The following EEF1E1 variants were observed in gnomAD, a reference collection of about 807,000 sequenced individuals.
EEF1E1 encodes eukaryotic translation elongation factor 1 epsilon-1.
A neutral mutation model predicts 19.9 loss-of-function variants in EEF1E1; 19 were observed. That is an observed-to-expected ratio of 0.95 (90% CI 0.66 to 1.40). The LOEUF (loss-of-function observed/expected upper bound fraction) is 1.40. Among genes scored for constraint, EEF1E1 ranks in the 40% most tolerant of loss-of-function variants. EEF1E1 has a pLI of 0.00. For synonymous variants in EEF1E1, 81 were observed against 80.0 expected (o/e 1.01, Z -0.07); for missense variants, 198 against 202.2 (o/e 0.98, Z 0.13).
chr6:8,090,550 A>G (rs936417361), intron 2 of EEF1E1, among the ~76,000 whole-genome samples: 1 of 152,240 alleles, frequency 6.6e-6, no homozygotes, highest in African/African-American at 2.4e-5. Context: ...ATCATGTTAA[A>G]GTCTAGCTTT....
In EEF1E1 at chr6:8,090,166, G is replaced by C. The variant is rs1757977035; in HGVS notation, c.384+20C>G. On this transcript the variant is annotated intron_variant, in intron 3 of 3. Transcript: ENST00000379715. ...TCTCAACACTACAGAAAAAAAGCCA[G>C]TAACTATACAAATACTCACTATAAA... The C allele has an allele frequency of 6.7e-7, 1 of 1,499,142 alleles. No individual in the cohort carries two copies. Among genetic ancestry groups the C allele is most frequent in the Admixed American group, 2.5e-5 (1 of 39,966 alleles). 92.9% of individuals were successfully genotyped at this position (1,499,142 alleles called of 1,614,324 possible). A position where few individuals can be genotyped will look rare whatever the true frequency, so the allele number is the denominator to read the frequency against.
intron 3 of EEF1E1, among the ~76,000 whole-genome samples, chr6:8,084,465 G>T (rs1453999850): frequency 6.6e-6 from 1 of 152,154 alleles, no homozygotes; most frequent in Non-Finnish European, 1.5e-5. Context: ...GCATAAGCTA[G>T]AGGAAAAGAA....
chr6:8,075,391 G>T (rs1454435479), downstream of EEF1E1, among the ~76,000 whole-genome samples: 1 of 152,208 alleles, frequency 6.6e-6, no homozygotes, highest in Non-Finnish European at 1.5e-5. Flanking sequence ...ATGTGAAAGA[G>T]TGTGGGTTCC....
At chr6:8,077,218 C>T (rs574201260), downstream of EEF1E1, among the ~76,000 whole-genome samples, 6 of 152,314 alleles carry the variant, frequency 3.9e-5, no homozygotes, top group Admixed American at 3.9e-4. Context: ...GCTGGGATTA[C>T]AAGCATGAGT....
chr6:8,079,053 T>C (rs1309020801), downstream of EEF1E1, among the ~76,000 whole-genome samples: 3 of 152,212 alleles, frequency 2.0e-5, no homozygotes. Flanking sequence ...CAGCAAGTTA[T>C]AAAATATACA....
chr6:8,089,830 G>A (rs1448271724), intron 3 of EEF1E1: 2 of 251,896 alleles, frequency 7.9e-6, no homozygotes, highest in African/African-American at 4.4e-5. Context: ...AAAACCTAAA[G>A]TGTGGCTGGA....
intron 3 of EEF1E1, among the ~76,000 whole-genome samples, chr6:8,087,095 G>A (rs1757879341): frequency 6.6e-6 from 1 of 152,094 alleles, no homozygotes; most frequent in Admixed American, 6.6e-5. Flanking sequence ...GGAAGGGCTG[G>A]GACCAGGGAA....
At chr6:8,084,955 A>G (rs1345051222) in intron 3 of EEF1E1, among the ~76,000 whole-genome samples, 3 of 152,162 alleles carry the variant, frequency 2.0e-5, no homozygotes, top group African/African-American at 7.2e-5. Flanking sequence ...GTTGTGCCTC[A>G]TGATCATTTT....
intron 2 of EEF1E1, among the ~76,000 whole-genome samples, chr6:8,093,753 A>C (rs1022819482): frequency 6.6e-6 from 1 of 151,746 alleles, no homozygotes; most frequent in African/African-American, 2.4e-5. Flanking sequence ...ATAGCTAATA[A>C]GCAGTATGAA....
At chr6:8,099,793 A>ACAC (rs1554099777) in intron 1 of EEF1E1, among the ~76,000 whole-genome samples, 1,500 of 116,912 alleles carry the variant, frequency 0.013, 16 homozygotes, top group South Asian at 0.019. Context: ...CACACACACA[A>ACAC]AAAAAAAACA....
At chr6:8,077,650 AAG>A (rs1757631193), downstream of EEF1E1, among the ~76,000 whole-genome samples, 1 of 152,262 alleles carries the variant, frequency 6.6e-6, no homozygotes. Context: ...CATAGAATCG[AAG>A]AGAGTTAGGG....
chr6:8,077,485 G>A (rs1757628270), downstream of EEF1E1, among the ~76,000 whole-genome samples: 1 of 152,162 alleles, frequency 6.6e-6, no homozygotes, highest in Non-Finnish European at 1.5e-5. Flanking sequence ...CTTCACCCAT[G>A]ATCTTAGCTA....
At chr6:8,076,947 GT>G (rs70982138), downstream of EEF1E1, among the ~76,000 whole-genome samples, 18 of 113,066 alleles carry the variant, frequency 1.6e-4, no homozygotes, top group African/African-American at 2.3e-4. Context: ...TTTTGTTTTT[GT>G]TTTTTTTTTT....
downstream of EEF1E1, chr6:8,078,690 G>T (rs1042777451): frequency 1.3e-4 from 170 of 1,285,820 alleles, no homozygotes; most frequent in Admixed American, 3.0e-4. Context: ...GACAAACATG[G>T]GGGCCTGTTA....
At chr6:8,099,150 T>C (rs1368006074) in intron 1 of EEF1E1, among the ~76,000 whole-genome samples, 1 of 152,380 alleles carries the variant, frequency 6.6e-6, no homozygotes, top group South Asian at 2.1e-4. Context: ...TAAGGTTCCA[T>C]AGTCTTCAAA....
At chr6:8,088,197 C>T (rs79563750) in intron 3 of EEF1E1, among the ~76,000 whole-genome samples, 173 of 152,072 alleles carry the variant, frequency 1.1e-3, no homozygotes, top group African/African-American at 4.1e-3. Context: ...ATCATGTCAT[C>T]GTTCATGAAC....
At position 8,080,713 on chromosome 6, in the gene EEF1E1, A is replaced by G. The variant is rs115992642; in HGVS notation, c.385-683T>C. ...TTTCTCTAAGATAAACTTTAGAATT[A>G]TTGAGAGTTATCAGGTAAAGAGAAA... On this transcript the variant is annotated intron_variant, in intron 3 of 3. Transcript: ENST00000379715. 2.3e-3 allele frequency among the ~76,000 whole-genome samples: 353 copies of G among 152,352 alleles called. 5 individuals are homozygous for G. The highest frequency in any genetic ancestry group is 8.2e-3 in the African/African-American group (342 of 41,576).
intron 3 of EEF1E1, among the ~76,000 whole-genome samples, chr6:8,089,426 C>A (rs550318542): frequency 6.6e-6 from 1 of 152,228 alleles, no homozygotes; most frequent in African/African-American, 2.4e-5. Context: ...GGCTGAGGAG[C>A]AAGGAGAGCC....
intron 3 of EEF1E1, among the ~76,000 whole-genome samples, chr6:8,089,276 G>A (rs540904489): frequency 6.6e-6 from 1 of 152,276 alleles, no homozygotes; most frequent in East Asian, 1.9e-4. Context: ...GACACTAAGA[G>A]ATCAAAAGAG....
Sources: gnomAD v4.1 joint callset for allele counts (sites outside exome capture counted in the v4.1 genomes callset) on GRCh38, gnomAD v4.1.1 for gene constraint, MANE v1.5 for transcripts, NCBI Gene and HGNC (gene_info 2026-07-23, HGNC 2026-07-21) for gene names.